The following GLIS3 variants were observed in gnomAD, a reference collection of about 807,000 sequenced individuals.
GLIS3 encodes the protein zinc finger protein GLIS3.
A neutral mutation model predicts 78.6 loss-of-function variants in GLIS3; 53 were observed. The observed-to-expected ratio is 0.67, with a 90% CI of 0.54 to 0.85. The LOEUF is 0.85. Among genes scored for constraint, GLIS3 ranks in the 40% least tolerant of loss-of-function variants. The probability of loss-of-function intolerance (pLI) is 0.00; values close to 1 mark genes in which losing one functional copy is unlikely to be tolerated. For synonymous variants in GLIS3, 684 were observed against 509.9 expected (o/e 1.34, Z -4.60); for missense variants, 1,703 against 1,231.1 (o/e 1.38, Z -5.74).
intron 4 of GLIS3, among the ~76,000 whole-genome samples, chr9:3,941,973 C>T (rs533520): frequency 0.47 from 72,120 of 151,968 alleles, 19,892 homozygotes; most frequent in African/African-American, 0.78. Context: ...TTTCCCTTTC[C>T]ATTAGAGGCT....
chr9:4,405,445 C>A, the GLIS3 span, among the ~76,000 whole-genome samples: 7 of 151,584 alleles, frequency 4.6e-5, no homozygotes, highest in African/African-American at 1.7e-4. Flanking sequence ...CTACTATGAG[C>A]AGCTATATGC....
At chr9:4,061,294 C>G (rs1826636115) in intron 4 of GLIS3, among the ~76,000 whole-genome samples, 1 of 149,870 alleles carries the variant, frequency 6.7e-6, no homozygotes, top group East Asian at 2.0e-4. Flanking sequence ...CAATTCCCAC[C>G]TATGAGTGAG....
At chr9:4,330,919 T>C (rs531893269) in intron 2 of GLIS3, among the ~76,000 whole-genome samples, 1 of 152,328 alleles carries the variant, frequency 6.6e-6, no homozygotes, top group African/African-American at 2.4e-5. Flanking sequence ...TTTGTCACTG[T>C]GCTGAAGGAT....
intron 2 of GLIS3, among the ~76,000 whole-genome samples, chr9:4,229,267 A>G (rs1371400822): frequency 6.6e-6 from 1 of 152,246 alleles, no homozygotes; most frequent in Non-Finnish European, 1.5e-5. Flanking sequence ...ACTTTGTGCA[A>G]AAATTTTACC....
chr9:4,415,380 T>A, the GLIS3 span, among the ~76,000 whole-genome samples: 1 of 152,216 alleles, frequency 6.6e-6, no homozygotes, highest in Non-Finnish European at 1.5e-5. Flanking sequence ...GCATTTGACA[T>A]TTGGTTTGCC....
chr9:4,146,646 G>A (rs1213446528), intron 2 of GLIS3, among the ~76,000 whole-genome samples: 1 of 152,172 alleles, frequency 6.6e-6, no homozygotes, highest in Admixed American at 6.5e-5. Flanking sequence ...ATTAGCAACT[G>A]CAGTTACGAT....
Position 3,958,156 on chromosome 9 carries a change from C to T in GLIS3, c.1711-20967G>A, listed in dbSNP as rs150657653. Among the ~76,000 whole-genome samples, 1,175 of 152,308 alleles carry T rather than the reference C, an allele frequency of 7.7e-3. 7 individuals carry two copies. The highest frequency in any genetic ancestry group is 0.012 in the Non-Finnish European group (786 of 68,032). On this transcript the variant is annotated intron_variant, in intron 4 of 10. Coordinates refer to ENST00000381971, the MANE Select transcript of GLIS3 (RefSeq NM_001042413.2). ...ATTTTGGAGGTAAATGTCTGCCATA[C>T]ACAACTACCAAGCCCTTAGTGAACA...
At chr9:4,242,831 T>C (rs1009429795) in intron 2 of GLIS3, among the ~76,000 whole-genome samples, 1 of 152,208 alleles carries the variant, frequency 6.6e-6, no homozygotes, top group Non-Finnish European at 1.5e-5. Flanking sequence ...GATAAAAATG[T>C]ATTACATAAA....
intron 1 of GLIS3, among the ~76,000 whole-genome samples, chr9:4,298,938 G>C (rs1190424485): frequency 1.3e-5 from 2 of 152,120 alleles, no homozygotes; most frequent in African/African-American, 4.8e-5. Flanking sequence ...GACAACTACA[G>C]CCCCGCGTGT....
the GLIS3 span, among the ~76,000 whole-genome samples, chr9:4,366,093 A>C: frequency 7.1e-4 from 108 of 152,346 alleles, 1 homozygote; most frequent in African/African-American, 2.5e-3. Flanking sequence ...TGGGGCACCC[A>C]GAAGACAGGG....
chr9:4,013,885 TGAGAG>T (rs1822234182), intron 4 of GLIS3, among the ~76,000 whole-genome samples: 1 of 152,156 alleles, frequency 6.6e-6, no homozygotes, highest in Non-Finnish European at 1.5e-5. Flanking sequence ...TGTCAGGAAT[TGAGAG>T]AGGCTAGGCC....
chr9:4,132,865 C>A (rs982010908), intron 2 of GLIS3, among the ~76,000 whole-genome samples: 9 of 152,186 alleles, frequency 5.9e-5, no homozygotes, highest in Admixed American at 2.0e-4. Context: ...GCCTCCCGCC[C>A]TTACTGGCTG....
intron 4 of GLIS3, among the ~76,000 whole-genome samples, chr9:4,071,544 C>T (rs1340249): frequency 6.6e-6 from 1 of 152,076 alleles, no homozygotes; most frequent in Admixed American, 6.5e-5. Flanking sequence ...ATTTTTCTAC[C>T]CTGGATATCA....
intron 4 of GLIS3, among the ~76,000 whole-genome samples, chr9:3,966,371 A>T (rs556471854): frequency 1.2e-4 from 19 of 152,202 alleles, no homozygotes; most frequent in African/African-American, 4.6e-4. Context: ...AATTCCAAGA[A>T]TTATGACACT....
In GLIS3 at chr9:4,118,152, G is replaced by A. The variant is rs758928731; in HGVS notation, c.1326C>T (p.Asp442=). 266 of 1,561,448 alleles carry A rather than the reference G, an allele frequency of 1.7e-4. No homozygotes were observed. Among genetic ancestry groups the A allele is most frequent in the Non-Finnish European group, 2.2e-4 (256 of 1,153,372 alleles). The change falls in exon 4 of 11, where the codon GAC becomes GAT. Residue 442 remains aspartate (D), a synonymous_variant. Coordinates refer to ENST00000381971, the MANE Select transcript of GLIS3 (RefSeq NM_001042413.2). This position sits in a 1 kb window ranked among gnomAD's most constrained non-coding sequence, Gnocchi z 4.7. The part of the protein sequence containing the change: ...RLEEFPGSTV[D]LPPAPPLPPL... ...GAGGGAGCGGAGGCGCGGGGGGTAG[G>A]TCTACGGTGCTGCCCGGGAACTCCT...
the GLIS3 span, among the ~76,000 whole-genome samples, chr9:4,457,814 C>G: frequency 6.8e-6 from 1 of 148,094 alleles, no homozygotes; most frequent in African/African-American, 2.5e-5. Flanking sequence ...TGTGCCACTT[C>G]ACTCCAGCCT....
intron 2 of GLIS3, among the ~76,000 whole-genome samples, chr9:4,219,281 C>T (rs1476586657): frequency 6.6e-6 from 1 of 152,190 alleles, no homozygotes; most frequent in Non-Finnish European, 1.5e-5. Context: ...AGATTTAGGT[C>T]TTCAAACAAT....
the GLIS3 span, among the ~76,000 whole-genome samples, chr9:4,473,244 G>C: frequency 2.6e-5 from 4 of 152,108 alleles, no homozygotes; most frequent in African/African-American, 9.7e-5. Flanking sequence ...TAGAAAGAAT[G>C]AGATCAGCCT....
chr9:3,981,077 G>A (rs991462300), intron 4 of GLIS3, among the ~76,000 whole-genome samples: 1 of 152,168 alleles, frequency 6.6e-6, no homozygotes, highest in Admixed American at 6.5e-5. Flanking sequence ...AGAGGAGGGG[G>A]TCAGCAGATT....
Sources: gnomAD v4.1 joint callset for allele counts (sites outside exome capture counted in the v4.1 genomes callset) on GRCh38, gnomAD v4.1.1 for gene constraint, Gnocchi (gnomAD v3.1) non-coding constraint, MANE v1.5 for transcripts, NCBI Gene and HGNC (gene_info 2026-07-23, HGNC 2026-07-21) for gene names.